PRRX2: variants seen among roughly 807,000 people sequenced by gnomAD.
PRRX2 encodes the protein paired mesoderm homeobox protein 2.
PRRX2 carries 11 observed loss-of-function variants against 18.0 expected under a neutral mutation model. That is an observed-to-expected ratio of 0.61 (90% CI 0.39 to 1.01). The LOEUF is 1.01. Among genes scored for constraint, PRRX2 ranks in the 50% least tolerant of loss-of-function variants. PRRX2 has a pLI of 0.01. For synonymous variants in PRRX2, 177 were observed against 154.8 expected (o/e 1.14, Z -1.06); for missense variants, 387 against 351.0 (o/e 1.10, Z -0.82).
At chr9:129,703,686 T>C (rs1000756799) in intron 1 of PRRX2, among the ~76,000 whole-genome samples, 1 of 151,592 alleles carries the variant, frequency 6.6e-6, no homozygotes, top group Non-Finnish European at 1.5e-5. Flanking sequence ...AGAAAAAAAA[T>C]TAAGGGTGTG....
chr9:129,696,916 G>C (rs541821609), intron 1 of PRRX2, among the ~76,000 whole-genome samples: 12 of 152,314 alleles, frequency 7.9e-5, no homozygotes, highest in African/African-American at 2.9e-4. Context: ...CCCCCCTGGG[G>C]CCAGAGTCCG....
At chr9:129,712,764 C>T (rs1413181413) in intron 1 of PRRX2, 1 of 152,112 alleles carries the variant, frequency 6.6e-6, no homozygotes, top group African/African-American at 2.4e-5. Context: ...GTTTCAGTCT[C>T]AGGGAAAAGC....
intron 1 of PRRX2, among the ~76,000 whole-genome samples, chr9:129,667,234 C>T (rs1832037593): frequency 6.6e-6 from 1 of 152,226 alleles, no homozygotes; most frequent in Non-Finnish European, 1.5e-5. Context: ...CCACAGTGGA[C>T]TGGCCACTGG....
intron 1 of PRRX2, among the ~76,000 whole-genome samples, chr9:129,712,502 G>A (rs1479672553): frequency 6.6e-6 from 1 of 152,180 alleles, no homozygotes; most frequent in East Asian, 1.9e-4. Context: ...TTGGCTGAGA[G>A]CAGAGTTTTT....
At position 129,665,717 on chromosome 9, in the gene PRRX2, C is replaced by A. The variant is rs115147301; in HGVS notation, c.-151C>A. 1,414 of 480,564 alleles carry A rather than the reference C, an allele frequency of 2.9e-3. 22 individuals carry two copies. The highest frequency in any genetic ancestry group is 0.027 in the African/African-American group (1,279 of 47,548). 29.8% of individuals were successfully genotyped at this position (480,564 alleles called of 1,614,324 possible). A position where few individuals can be genotyped will look rare whatever the true frequency, so the allele number is the denominator to read the frequency against. ...GAGGGCGGAAAGTTTGTTTCCCCGA[C>A]GTCAGCGCCGGGCGGGCCGCGAGGC... On this transcript the variant is annotated 5_prime_UTR_variant, in exon 1 of 4. Coordinates refer to ENST00000372469, the MANE Select transcript of PRRX2 (RefSeq NM_016307.4). The surrounding 1 kb of genome is among the most constrained non-coding windows in gnomAD (Gnocchi z 5.3).
In PRRX2 at chr9:129,709,608, C is replaced by T. The variant is rs1460954118; in HGVS notation, c.260-9623C>T. On this transcript the variant is annotated intron_variant, in intron 1 of 3. Coordinates refer to ENST00000372469, the MANE Select transcript of PRRX2 (RefSeq NM_016307.4). The surrounding 1 kb of genome is among the most constrained non-coding windows in gnomAD (Gnocchi z 4.2). Reference sequence around the variant, plus strand: ...CTGGGGACCTGTCTGACTCCTCGGGCCCCACTGCGGCTTCCATCATCACCT... The same window carrying T: ...CTGGGGACCTGTCTGACTCCTCGGGTCCCACTGCGGCTTCCATCATCACCT... Among the ~76,000 whole-genome samples the T allele has an allele frequency of 6.6e-6, 1 of 152,234 alleles. No homozygotes were observed. Among genetic ancestry groups the T allele is most frequent in the East Asian group, 1.9e-4 (1 of 5,190 alleles).
chr9:129,688,079 A>G (rs2130916965), intron 1 of PRRX2, among the ~76,000 whole-genome samples: 1 of 151,110 alleles, frequency 6.6e-6, no homozygotes, highest in African/African-American at 2.4e-5. Flanking sequence ...TATTTTTTGT[A>G]GAGATGGGGG....
rs111999320 is a variant in PRRX2 at position 129,709,257 on chromosome 9, G to A, written c.260-9974G>A. On this transcript the variant is annotated intron_variant, in intron 1 of 3. Coordinates refer to ENST00000372469, the MANE Select transcript of PRRX2 (RefSeq NM_016307.4). The surrounding 1 kb of genome is among the most constrained non-coding windows in gnomAD (Gnocchi z 4.2). ...GGCCCCTCCGCTTTCTTGTGGGTCT[G>A]GTGGCCCCATGGAAATGTGTGCATG... Among the ~76,000 whole-genome samples, 170 of 152,330 alleles carry A rather than the reference G, an allele frequency of 1.1e-3. 1 individual carries two copies. The highest frequency in any genetic ancestry group is 3.7e-3 in the African/African-American group (154 of 41,576).
chr9:129,719,342 A>C lies in PRRX2; in HGVS notation c.371A>C (p.Glu124Ala). Residue 124 changes from glutamate to alanine, a missense_variant, in exon 2 of 4, where the codon GAG (glutamate) becomes GCG (alanine). Physicochemically the swap from Glu to Ala is moderately radical, Grantham distance 107. Coordinates refer to ENST00000372469, the MANE Select transcript of PRRX2 (RefSeq NM_016307.4). ...SQLQALERVF[E>A]RTHYPDAFVR... ...CTGCAGGCGCTGGAGCGCGTGTTCG[A>C]GCGCACGCACTACCCCGACGCCTTT... The C allele has an allele frequency of 6.3e-7, 1 of 1,596,022 alleles. No homozygotes were observed. The highest frequency in any genetic ancestry group is 8.5e-7 in the Non-Finnish European group (1 of 1,172,078).
Position 129,703,101 on chromosome 9 carries a change from G to A in PRRX2, c.260-16130G>A, listed in dbSNP as rs575325074. On this transcript the variant is annotated intron_variant, in intron 1 of 3. Transcript: ENST00000372469. Reference sequence around the variant, plus strand: ...TGATTGGAAACATGCTGGAGATGTCGAAGATGGCCCCGTGCCCAGACTCTG... The same window carrying A: ...TGATTGGAAACATGCTGGAGATGTCAAAGATGGCCCCGTGCCCAGACTCTG... Among the ~76,000 whole-genome samples the A allele has an allele frequency of 2.9e-4, 44 of 152,344 alleles. 1 individual carries two copies. Among genetic ancestry groups the A allele is most frequent in the Middle Eastern group, 6.8e-3 (2 of 294 alleles).
intron 1 of PRRX2, among the ~76,000 whole-genome samples, chr9:129,707,663 C>T (rs999918880): frequency 4.6e-5 from 7 of 151,786 alleles, no homozygotes; most frequent in Admixed American, 1.3e-4. Context: ...CGGTGATGTG[C>T]GCCTGTAGTC....
intron 1 of PRRX2, among the ~76,000 whole-genome samples, chr9:129,670,130 C>T (rs1271594789): frequency 6.6e-6 from 1 of 150,560 alleles, no homozygotes; most frequent in Non-Finnish European, 1.5e-5. Context: ...CTTAATGTGA[C>T]GTCTACAGGG....
At chr9:129,708,831 C>T (rs1331936338) in intron 1 of PRRX2, among the ~76,000 whole-genome samples, 1 of 152,140 alleles carries the variant, frequency 6.6e-6, no homozygotes, top group African/African-American at 2.4e-5. Flanking sequence ...GTCATTCATT[C>T]AGAAATATTT....
At position 129,665,844 on chromosome 9, in the gene PRRX2, G is replaced by A; in HGVS notation, c.-24G>A. ...GGACCCGAGCCCGAGACCCCCGCCG[G>A]CCCCCCCGGGGCCGCTCGCGGGCAT... is the stretch of plus-strand genomic sequence containing the variant. On this transcript the variant is annotated 5_prime_UTR_variant, in exon 1 of 4. Transcript: ENST00000372469. This position sits in a 1 kb window ranked among gnomAD's most constrained non-coding sequence, Gnocchi z 5.3. 2.9e-6 allele frequency: 3 copies of A among 1,029,760 alleles called. No individual in the cohort carries two copies. Among genetic ancestry groups the A allele is most frequent in the Non-Finnish European group, 3.5e-6 (3 of 861,076 alleles). The allele number at this position is 1,029,760 out of a possible 1,614,324, so 63.8% of individuals were successfully genotyped here.
At chr9:129,700,150 CACA>C (rs1463751377) in intron 1 of PRRX2, among the ~76,000 whole-genome samples, 5 of 152,128 alleles carry the variant, frequency 3.3e-5, no homozygotes, top group Non-Finnish European at 5.9e-5. Context: ...ATTTAATTTT[CACA>C]ACAACTCTGG....
At chr9:129,702,932 C>T (rs1225231958) in intron 1 of PRRX2, among the ~76,000 whole-genome samples, 3 of 152,352 alleles carry the variant, frequency 2.0e-5, no homozygotes, top group Non-Finnish European at 4.4e-5. Context: ...CAGAGGCTAG[C>T]AAGGGGGTCG....
intron 1 of PRRX2, among the ~76,000 whole-genome samples, chr9:129,666,832 A>G (rs192340689): frequency 1.3e-5 from 2 of 152,286 alleles, no homozygotes; most frequent in East Asian, 3.9e-4. Flanking sequence ...GGAGGACCGG[A>G]GTCCTCGCGG....
chr9:129,672,337 G>A (rs988356205), intron 1 of PRRX2, among the ~76,000 whole-genome samples: 2 of 152,304 alleles, frequency 1.3e-5, no homozygotes, highest in South Asian at 4.1e-4. Flanking sequence ...GTCGGCTGGG[G>A]CATCACAGGC....
intron 1 of PRRX2, among the ~76,000 whole-genome samples, chr9:129,689,821 T>C (rs370498896): frequency 4.6e-3 from 457 of 99,710 alleles, no homozygotes; most frequent in African/African-American, 0.031. Flanking sequence ...GGCACAATCT[T>C]GGCTCACTGC....
Sources: allele counts gnomAD v4.1 joint callset (sites outside exome capture counted in the v4.1 genomes callset), GRCh38; gene constraint gnomAD v4.1.1; non-coding constraint Gnocchi (gnomAD v3.1); transcripts MANE v1.5; gene names NCBI Gene and HGNC (gene_info 2026-07-23, HGNC 2026-07-21).